Variants in NFIA observed in about 807,000 individuals in gnomAD.
NFIA encodes the protein nuclear factor 1 A-type.
A neutral mutation model predicts 62.8 loss-of-function variants in NFIA; 8 were observed. The observed-to-expected ratio is 0.13, with a 90% CI of 0.07 to 0.23. The LOEUF (loss-of-function observed/expected upper bound fraction) is 0.23, where lower values mean the gene tolerates loss of function less well. Ranked by LOEUF, NFIA falls within the 10% of genes least tolerant of loss-of-function variation. NFIA has a pLI of 1.00. For missense variants in NFIA, 410 were observed against 642.1 expected (o/e 0.64, Z 3.91); for synonymous variants, 235 against 238.1 (o/e 0.99, Z 0.12).
At chr1:61,135,018 C>T (rs550729624) in intron 2 of NFIA, among the ~76,000 whole-genome samples, 21 of 152,268 alleles carry the variant, frequency 1.4e-4, no homozygotes, top group African/African-American at 4.6e-4. Flanking sequence ...TGGAACAACT[C>T]GAGGCTTTAC....
intron 2 of NFIA, among the ~76,000 whole-genome samples, chr1:61,149,996 C>CA (rs1476646510): frequency 6.6e-6 from 1 of 151,976 alleles, no homozygotes; most frequent in Non-Finnish European, 1.5e-5. Context: ...AAAGGTTTTC[C>CA]TTTTTTTCCT....
chr1:61,399,318 G>C (rs1427913716), intron 7 of NFIA, among the ~76,000 whole-genome samples: 6 of 152,180 alleles, frequency 3.9e-5, no homozygotes, highest in Admixed American at 3.9e-4. Context: ...ACTGCCTTAA[G>C]AGCACACTGT....
chr1:61,130,576 A>G (rs372468873), intron 2 of NFIA, among the ~76,000 whole-genome samples: 51 of 152,334 alleles, frequency 3.3e-4, no homozygotes, highest in East Asian at 2.9e-3. Flanking sequence ...TCTGACTCAT[A>G]TGGTAATCAT....
intron 3 of NFIA, among the ~76,000 whole-genome samples, chr1:61,298,315 C>A (rs570720491): frequency 9.2e-5 from 14 of 152,050 alleles, no homozygotes; most frequent in Non-Finnish European, 1.5e-4. Flanking sequence ...GAGGCCTCCC[C>A]AGCCATGCAG....
At chr1:61,357,829 C>T (rs1209603169) in intron 5 of NFIA, among the ~76,000 whole-genome samples, 2 of 152,126 alleles carry the variant, frequency 1.3e-5, no homozygotes, top group Admixed American at 1.3e-4. Flanking sequence ...GATTTCCCAA[C>T]ACGCACTCCC....
rs114748479 is a variant in NFIA at position 61,216,654 on chromosome 1, A to G, written c.560-60866A>G. Among the ~76,000 whole-genome samples the G allele has an allele frequency of 6.9e-3, 1,049 of 152,348 alleles. 7 individuals are homozygous for G. The highest frequency in any genetic ancestry group is 0.012 in the Non-Finnish European group (785 of 68,036). ...ACTCTCTCTGATACTAGTGTGTAGC[A>G]ATAACTTTTACTGTCCTATTTTGTT... On this transcript the variant is annotated intron_variant, in intron 2 of 10. Transcript: ENST00000403491.
At chr1:61,367,566 A>G (rs1253616653) in intron 6 of NFIA, among the ~76,000 whole-genome samples, 1 of 152,194 alleles carries the variant, frequency 6.6e-6, no homozygotes, top group Admixed American at 6.5e-5. Flanking sequence ...GTACAGTAAC[A>G]AGGGGCCTCT....
At chr1:61,411,723 A>T (rs1198359424) in intron 9 of NFIA, among the ~76,000 whole-genome samples, 8 of 151,750 alleles carry the variant, frequency 5.3e-5, no homozygotes, top group Non-Finnish European at 8.8e-5. Context: ...AATCAAGCCG[A>T]GAGGGGAGGG....
chr1:61,367,553 T>C (rs943720442), intron 6 of NFIA, among the ~76,000 whole-genome samples: 1 of 152,144 alleles, frequency 6.6e-6, no homozygotes, highest in African/African-American at 2.4e-5. Flanking sequence ...CCAGGGGACA[T>C]TGGTACAGTA....
At position 61,447,055 on chromosome 1, in the gene NFIA, A is replaced by AT. The variant is rs370089817; in HGVS notation, c.1513-8242dup. On this transcript the variant is annotated intron_variant, in intron 10 of 10. Coordinates refer to ENST00000403491, the MANE Select transcript of NFIA (RefSeq NM_001134673.4). Reference sequence around the variant, plus strand: ...GGAATCCGATGTGTAGAAAACATACATTTTTTCATTTCATAGCTCCCCAGG... The same window carrying AT: ...GGAATCCGATGTGTAGAAAACATACATTTTTTTCATTTCATAGCTCCCCAGG... Among the ~76,000 whole-genome samples, 667 of 151,972 alleles carry AT rather than the reference A, an allele frequency of 4.4e-3. 4 individuals are homozygous for AT. The highest frequency in any genetic ancestry group is 0.015 in the African/African-American group (627 of 41,410).
At chr1:61,346,230 G>A (rs1662219445) in intron 4 of NFIA, among the ~76,000 whole-genome samples, 1 of 152,132 alleles carries the variant, frequency 6.6e-6, no homozygotes, top group Non-Finnish European at 1.5e-5. Flanking sequence ...GAACAGAAAG[G>A]CAGTGCTGTG....
At position 61,088,742 on chromosome 1, in the gene NFIA, C is replaced by T. The variant is rs578102048; in HGVS notation, c.559+62C>T. The T allele has an allele frequency of 3.1e-5, 47 of 1,525,762 alleles. No homozygotes were observed. The highest frequency in any genetic ancestry group is 1.9e-4 in the Admixed American group (10 of 51,800). The allele number at this position is 1,525,762 out of a possible 1,614,324, so 94.5% of individuals were successfully genotyped here. ...TGTGTGTTTCTTTCCTGATGGCCTC[C>T]GCGTTATGCCGGATTCTTCCTGAGC... On this transcript the variant is annotated intron_variant, in intron 2 of 10. Transcript: ENST00000403491. This position sits in a 1 kb window ranked among gnomAD's most constrained non-coding sequence, Gnocchi z 4.5.
chr1:61,376,654 T>C (rs1346577486), intron 6 of NFIA, among the ~76,000 whole-genome samples: 1 of 152,254 alleles, frequency 6.6e-6, no homozygotes, highest in East Asian at 1.9e-4. Context: ...TTCCTTTTTT[T>C]CCCCCTTTGG....
intron 2 of NFIA, among the ~76,000 whole-genome samples, chr1:61,092,197 T>C (rs1422984008): frequency 1.3e-5 from 2 of 152,196 alleles, no homozygotes; most frequent in African/African-American, 2.4e-5. Flanking sequence ...ATCTTCACTT[T>C]TTGCAGATGA....
At chr1:61,261,998 A>T (rs997307019) in intron 2 of NFIA, among the ~76,000 whole-genome samples, 1 of 152,178 alleles carries the variant, frequency 6.6e-6, no homozygotes, top group African/African-American at 2.4e-5. Context: ...ATTTAAATGT[A>T]CTTGCATCAT....
At chr1:61,314,112 T>C (rs1401638284) in intron 3 of NFIA, among the ~76,000 whole-genome samples, 6 of 152,224 alleles carry the variant, frequency 3.9e-5, no homozygotes, top group African/African-American at 1.2e-4. Context: ...TGTGTCACTT[T>C]CCTGCACTTC....
intron 2 of NFIA, among the ~76,000 whole-genome samples, chr1:61,212,628 A>G (rs1490435050): frequency 6.6e-6 from 1 of 152,230 alleles, no homozygotes; most frequent in African/African-American, 2.4e-5. Flanking sequence ...TTCATTTTAT[A>G]CATTGCAGTT....
chr1:61,253,931 C>T (rs1656211465), intron 2 of NFIA, among the ~76,000 whole-genome samples: 1 of 152,014 alleles, frequency 6.6e-6, no homozygotes, highest in African/African-American at 2.4e-5. Context: ...CAAGTATAGG[C>T]ATTATTATTT....
intron 2 of NFIA, among the ~76,000 whole-genome samples, chr1:61,198,909 C>T (rs1355162404): frequency 1.3e-5 from 2 of 152,186 alleles, no homozygotes; most frequent in Admixed American, 6.6e-5. Context: ...GACCTCACCA[C>T]CCCGGCTTGC....
Sources: gnomAD v4.1 joint callset for allele counts (sites outside exome capture counted in the v4.1 genomes callset) on GRCh38, gnomAD v4.1.1 for gene constraint, Gnocchi (gnomAD v3.1) non-coding constraint, MANE v1.5 for transcripts, NCBI Gene and HGNC (gene_info 2026-07-23, HGNC 2026-07-21) for gene names.